Variants in ENPP6 observed in about 807,000 individuals in gnomAD.
ENPP6 encodes the protein glycerophosphocholine cholinephosphodiesterase ENPP6.
A neutral mutation model predicts 42.0 loss-of-function variants in ENPP6; 32 were observed. The ratio of observed to expected loss-of-function variants is 0.76; its 90% CI spans 0.58 to 1.02. The LOEUF (loss-of-function observed/expected upper bound fraction) is 1.02, where lower values mean the gene tolerates loss of function less well. Ranked by LOEUF, ENPP6 falls within the 50% of genes least tolerant of loss-of-function variation. The pLI, the probability that ENPP6 is intolerant of heterozygous loss-of-function variation, is 0.00. For synonymous variants in ENPP6, 213 were observed against 216.0 expected (o/e 0.99, Z 0.12); for missense variants, 552 against 566.8 (o/e 0.97, Z 0.27).
intron 1 of ENPP6, among the ~76,000 whole-genome samples, chr4:184,205,354 C>T (rs933365468): frequency 1.3e-5 from 2 of 152,196 alleles, no homozygotes; most frequent in Non-Finnish European, 2.9e-5. Flanking sequence ...GCATCCGCCA[C>T]GGTGACCTTG....
At chr4:184,177,395 G>C (rs1355629324) in intron 1 of ENPP6, among the ~76,000 whole-genome samples, 1 of 152,204 alleles carries the variant, frequency 6.6e-6, no homozygotes, top group East Asian at 1.9e-4. Context: ...GCATGGAGTG[G>C]CCATAGTCTC....
At chr4:184,123,322 C>T (rs1051726706) in intron 3 of ENPP6, among the ~76,000 whole-genome samples, 3 of 152,026 alleles carry the variant, frequency 2.0e-5, no homozygotes, top group African/African-American at 4.8e-5. Context: ...TGTTGGTTCT[C>T]GGATATGCCC....
chr4:184,102,161 A>T (rs1736013700), intron 6 of ENPP6, among the ~76,000 whole-genome samples: 1 of 152,178 alleles, frequency 6.6e-6, no homozygotes, highest in African/African-American at 2.4e-5. Flanking sequence ...CGAATCAGAA[A>T]CCCAGTAAAT....
At chr4:184,120,522 TCTC>T (rs1736398332) in intron 3 of ENPP6, among the ~76,000 whole-genome samples, 2 of 152,092 alleles carry the variant, frequency 1.3e-5, no homozygotes, top group Admixed American at 1.3e-4. Flanking sequence ...GACCCCCTGC[TCTC>T]CTCCACCAAC....
intron 2 of ENPP6, among the ~76,000 whole-genome samples, chr4:184,135,440 A>C (rs1736716599): frequency 6.6e-6 from 1 of 152,192 alleles, no homozygotes; most frequent in Admixed American, 6.5e-5. Flanking sequence ...TCAACATGAA[A>C]TGTCCTTAAC....
chr4:184,160,127 CT>C (rs1327208031), intron 1 of ENPP6, among the ~76,000 whole-genome samples: 2 of 152,128 alleles, frequency 1.3e-5, no homozygotes, highest in East Asian at 3.8e-4. Context: ...GTGCAAGTGT[CT>C]TTTTTATATA....
At chr4:184,208,935 C>A (rs1460239718) in intron 1 of ENPP6, among the ~76,000 whole-genome samples, 13 of 143,832 alleles carry the variant, frequency 9.0e-5, no homozygotes, top group Admixed American at 7.1e-4. Flanking sequence ...ACCCCTGACC[C>A]CCGAGCAGCC....
chr4:184,092,363 G>A (rs916220338), intron 7 of ENPP6, among the ~76,000 whole-genome samples: 1 of 152,160 alleles, frequency 6.6e-6, no homozygotes, highest in Non-Finnish European at 1.5e-5. Flanking sequence ...GAGCAAACTG[G>A]TATCTGAATC....
At chr4:184,113,911 C>CT (rs1450185519) in intron 5 of ENPP6, among the ~76,000 whole-genome samples, 118 of 121,152 alleles carry the variant, frequency 9.7e-4, no homozygotes, top group African/African-American at 3.5e-3. Context: ...TTCTTTCTTT[C>CT]TTTCTTTCTT....
chr4:184,126,639 A>G (rs1736507455), intron 2 of ENPP6, among the ~76,000 whole-genome samples: 1 of 152,198 alleles, frequency 6.6e-6, no homozygotes, highest in Admixed American at 6.5e-5. Flanking sequence ...AGCTGTAGAC[A>G]ATGCTGGAGA....
intron 1 of ENPP6, among the ~76,000 whole-genome samples, chr4:184,186,393 G>C (rs1226484353): frequency 6.6e-6 from 1 of 152,148 alleles, no homozygotes; most frequent in Non-Finnish European, 1.5e-5. Flanking sequence ...AAGTAGATTA[G>C]CAGTTTTCTG....
chr4:184,179,785 G>A (rs1384243576), intron 1 of ENPP6, among the ~76,000 whole-genome samples: 3 of 152,200 alleles, frequency 2.0e-5, no homozygotes, highest in Non-Finnish European at 4.4e-5. Context: ...GGTAAATCAT[G>A]AAATTAAGGC....
At chr4:184,163,615 A>G (rs998756629) in intron 1 of ENPP6, among the ~76,000 whole-genome samples, 1 of 152,272 alleles carries the variant, frequency 6.6e-6, no homozygotes, top group African/African-American at 2.4e-5. Context: ...ATAGCTGGTT[A>G]TATCGCTGAA....
At chr4:184,136,960 C>T (rs1736738979) in intron 2 of ENPP6, among the ~76,000 whole-genome samples, 1 of 152,226 alleles carries the variant, frequency 6.6e-6, no homozygotes, top group Non-Finnish European at 1.5e-5. Flanking sequence ...CTCTTACATT[C>T]TTTTCTGCCT....
At chr4:184,095,665 A>G (rs199966973) in intron 7 of ENPP6, among the ~76,000 whole-genome samples, 3 of 135,404 alleles carry the variant, frequency 2.2e-5, no homozygotes, top group Non-Finnish European at 3.3e-5. Context: ...AAAAAAAAAA[A>G]ATATATCTAT....
intron 1 of ENPP6, among the ~76,000 whole-genome samples, chr4:184,191,529 G>A (rs1010994036): frequency 2.2e-4 from 33 of 152,302 alleles, no homozygotes; most frequent in Admixed American, 1.4e-3. Context: ...TGTTGAGAAC[G>A]CAGAGCGATG....
rs114691085 is a variant in ENPP6, at chr4:184,117,837, G to T, written c.597C>A (p.Tyr199Ter). 3 of 1,614,228 alleles carry T rather than the reference G, an allele frequency of 1.9e-6. No individual in the cohort carries two copies. Among genetic ancestry groups the T allele is most frequent in the Middle Eastern group, 1.6e-4 (1 of 6,062 alleles). Residue 199 changes from tyrosine (Y) to a stop codon, truncating the protein, a stop_gained, in exon 4 of 8, where the codon TAC becomes TAA. Coordinates refer to ENST00000296741, the MANE Select transcript of ENPP6 (RefSeq NM_153343.4). LOFTEE classifies it high-confidence loss of function. The stretch of plus-strand genomic sequence containing the variant: ...CTTTCCTCTGCGGAGATGCAGGCCC[G>T]TAGTGGTGGCCTTCCACGTCAATGC... ...HERIDVEGHHYGPASPQRKDA... is the reference protein window; with the variant it reads ...HERIDVEGHH
At chr4:184,145,580 G>T (rs1736904951) in intron 2 of ENPP6, among the ~76,000 whole-genome samples, 1 of 152,230 alleles carries the variant, frequency 6.6e-6, no homozygotes, top group Non-Finnish European at 1.5e-5. Flanking sequence ...CTCGGTGGCA[G>T]GGCTGTGGCA....
intron 6 of ENPP6, among the ~76,000 whole-genome samples, chr4:184,107,918 A>T (rs1019720703): frequency 5.8e-4 from 47 of 81,700 alleles, no homozygotes; most frequent in Non-Finnish European, 9.1e-4. Flanking sequence ...CAGTCTCAAT[A>T]AAAAAAAAAA....
Sources: gnomAD v4.1 joint callset for allele counts (sites outside exome capture counted in the v4.1 genomes callset) on GRCh38, gnomAD v4.1.1 for gene constraint, MANE v1.5 for transcripts, NCBI Gene and HGNC (gene_info 2026-07-23, HGNC 2026-07-21) for gene names.